MTSS1: variants seen among roughly 807,000 people sequenced by gnomAD.
MTSS1 encodes the protein MTSS I-BAR domain containing 1.
A neutral mutation model predicts 79.0 loss-of-function variants in MTSS1; 18 were observed. The observed-to-expected ratio is 0.23, with a 90% confidence interval of 0.16 to 0.34. MTSS1 has a LOEUF of 0.34. Among genes scored for constraint, MTSS1 ranks in the 10% least tolerant of loss-of-function variants. The probability of loss-of-function intolerance (pLI) is 1.00; values close to 1 mark genes in which losing one functional copy is unlikely to be tolerated. For missense variants in MTSS1, 815 were observed against 986.2 expected (o/e 0.83, Z 2.33); for synonymous variants, 341 against 368.6 (o/e 0.93, Z 0.86).
chr8:124,668,540 G>A (rs570204769), intron 3 of MTSS1, among the ~76,000 whole-genome samples: 1 of 152,240 alleles, frequency 6.6e-6, no homozygotes, highest in South Asian at 2.1e-4. Flanking sequence ...TAGCCCCTTT[G>A]TGTCAGGATG....
At chr8:124,576,540 A>G (rs2132312679) in intron 6 of MTSS1, among the ~76,000 whole-genome samples, 1 of 152,366 alleles carries the variant, frequency 6.6e-6, no homozygotes, top group Non-Finnish European at 1.5e-5. Flanking sequence ...AGCAGCTAAC[A>G]GAGTCTAGCA....
intron 1 of MTSS1, among the ~76,000 whole-genome samples, chr8:124,717,488 G>C (rs554659461): frequency 2.0e-5 from 3 of 150,254 alleles, no homozygotes; most frequent in Admixed American, 1.3e-4. Flanking sequence ...ACAGATACTC[G>C]GGAGGCTGAG....
At chr8:124,726,237 G>T (rs1041372257) in intron 1 of MTSS1, among the ~76,000 whole-genome samples, 2 of 152,154 alleles carry the variant, frequency 1.3e-5, no homozygotes, top group Non-Finnish European at 2.9e-5. Context: ...CCACCCTTTG[G>T]GCAGGTCACC....
chr8:124,668,123 C>G (rs1184027856), intron 3 of MTSS1, among the ~76,000 whole-genome samples: 1 of 152,174 alleles, frequency 6.6e-6, no homozygotes, highest in Non-Finnish European at 1.5e-5. Context: ...TTCACCTCCA[C>G]CGCTGGGCTC....
chr8:124,699,077 C>G (rs998026164), intron 3 of MTSS1: 12 of 170,138 alleles, frequency 7.1e-5, no homozygotes, highest in Middle Eastern at 5.5e-3. Flanking sequence ...TAAATAGATA[C>G]AACCCAATGA....
intron 3 of MTSS1, among the ~76,000 whole-genome samples, chr8:124,660,167 G>A (rs1821732965): frequency 6.6e-6 from 1 of 152,064 alleles, no homozygotes; most frequent in African/African-American, 2.4e-5. Flanking sequence ...TTTCAGAAAT[G>A]AACCTTCAAA....
intron 1 of MTSS1, among the ~76,000 whole-genome samples, chr8:124,711,571 T>TG (rs1725853605): frequency 1.3e-5 from 2 of 152,086 alleles, no homozygotes; most frequent in Admixed American, 6.5e-5. Flanking sequence ...GCTTTACATG[T>TG]GGGTCCTATA....
intron 3 of MTSS1, among the ~76,000 whole-genome samples, chr8:124,675,787 G>A (rs1033889832): frequency 4.5e-4 from 68 of 152,146 alleles, no homozygotes; most frequent in African/African-American, 1.6e-3. Flanking sequence ...TCACTAACAC[G>A]TTTGAGGTTC....
chr8:124,589,941 C>T (rs1040040697), intron 4 of MTSS1, among the ~76,000 whole-genome samples: 1 of 152,176 alleles, frequency 6.6e-6, no homozygotes. Flanking sequence ...ACTGCAACCA[C>T]CACCTCCCAG....
rs145497166 is a variant in MTSS1 at position 124,628,243 on chromosome 8, A to G, written c.209-37008T>C. ...GTCAGTAATACAAACAGAAACCAAA[A>G]GTTTGCTGAGAACGGGTGCTTCCCA... On this transcript the variant is annotated intron_variant, in intron 3 of 13. Transcript: ENST00000518547. 6.8e-3 allele frequency among the ~76,000 whole-genome samples: 1,034 copies of G among 152,228 alleles called. 14 individuals carry two copies. The highest frequency in any genetic ancestry group is 0.024 in the African/African-American group (977 of 41,540).
chr8:124,584,568 G>C (rs575498159), intron 6 of MTSS1, among the ~76,000 whole-genome samples: 1 of 152,278 alleles, frequency 6.6e-6, no homozygotes, highest in African/African-American at 2.4e-5. Context: ...ATCTTGCCTG[G>C]TTGTGCTCAG....
intron 1 of MTSS1, among the ~76,000 whole-genome samples, chr8:124,722,836 GA>G (rs1833146572): frequency 6.6e-6 from 1 of 152,082 alleles, no homozygotes; most frequent in South Asian, 2.1e-4. Context: ...AGGCAGTTCC[GA>G]GAAGTAATGG....
chr8:124,605,012 C>T (rs996050782), intron 3 of MTSS1, among the ~76,000 whole-genome samples: 1 of 152,200 alleles, frequency 6.6e-6, no homozygotes, highest in Non-Finnish European at 1.5e-5. Context: ...AACACAAAAA[C>T]ACGGACACGC....
At chr8:124,566,824 C>G (rs370311195) in intron 8 of MTSS1, among the ~76,000 whole-genome samples, 5 of 152,192 alleles carry the variant, frequency 3.3e-5, no homozygotes, top group African/African-American at 1.2e-4. Context: ...GCATCATTCT[C>G]TATAAAACAA....
chr8:124,666,147 A>G (rs1437464023), intron 3 of MTSS1, among the ~76,000 whole-genome samples: 1 of 152,250 alleles, frequency 6.6e-6, no homozygotes. Context: ...TACAGTCTCC[A>G]TTAAACTGAT....
At position 124,551,950 on chromosome 8, in the gene MTSS1, C is replaced by T. The variant is rs138990010; in HGVS notation, c.*1042G>A. On this transcript the variant is annotated 3_prime_UTR_variant, in exon 14 of 14. Coordinates refer to ENST00000518547, the MANE Select transcript of MTSS1 (RefSeq NM_014751.6). The stretch of plus-strand genomic sequence containing the variant: ...GCTGGCTACCCTTGTCAAATCTGTT[C>T]GAGTTTTTTCAAAATACTTGGGCTT... 891 of 152,710 alleles carry T rather than the reference C, an allele frequency of 5.8e-3. 14 individuals are homozygous for T. The highest frequency in any genetic ancestry group is 0.036 in the Admixed American group (552 of 15,306). The allele number at this position is 152,710 out of a possible 1,614,324, so 9.5% of individuals were successfully genotyped here. A position where few individuals can be genotyped will look rare whatever the true frequency, so the allele number is the denominator to read the frequency against.
intron 3 of MTSS1, among the ~76,000 whole-genome samples, chr8:124,602,188 C>CATATATATATATATATATATATATATAT: frequency 2.1e-4 from 25 of 116,762 alleles, no homozygotes; most frequent in African/African-American, 1.0e-3. Context: ...CATATATATA[C>CATATATATATATATATATATATATATAT]ATATATATAT....
At position 124,657,660 on chromosome 8, in the gene MTSS1, C is replaced by T. The variant is rs143962783; in HGVS notation, c.208+41866G>A. Reference sequence around the variant, plus strand: ...TGCGCATACATCATGGACAAGAGCACGTTCACACGGTCCTTACCAAGTCCA... The same window carrying T: ...TGCGCATACATCATGGACAAGAGCATGTTCACACGGTCCTTACCAAGTCCA... On this transcript the variant is annotated intron_variant, in intron 3 of 13. Coordinates refer to ENST00000518547, the MANE Select transcript of MTSS1 (RefSeq NM_014751.6). Among the ~76,000 whole-genome samples the T allele has an allele frequency of 2.2e-3, 335 of 152,254 alleles. 5 individuals carry two copies. Among genetic ancestry groups the T allele is most frequent in the South Asian group, 0.011 (53 of 4,816 alleles).
At position 124,625,545 on chromosome 8, in the gene MTSS1, G is replaced by A. The variant is rs182758844; in HGVS notation, c.209-34310C>T. Among the ~76,000 whole-genome samples, 11 of 152,248 alleles carry A rather than the reference G, an allele frequency of 7.2e-5. No individual in the cohort carries two copies. The East Asian group carries it at 7.7e-4, about 11-fold the overall frequency. On this transcript the variant is annotated intron_variant, in intron 3 of 13. Coordinates refer to ENST00000518547, the MANE Select transcript of MTSS1 (RefSeq NM_014751.6). ...AGACGTTCAGTTCTCCAACACAGGC[G>A]GCTTTCATGGCGAAGTTCAGCTGGT... is the stretch of plus-strand genomic sequence containing the variant.
Sources: gnomAD v4.1 joint callset for allele counts (sites outside exome capture counted in the v4.1 genomes callset) on GRCh38, gnomAD v4.1.1 for gene constraint, MANE v1.5 for transcripts, NCBI Gene and HGNC (gene_info 2026-07-23, HGNC 2026-07-21) for gene names.